Variants in XIRP2 observed in about 807,000 individuals in gnomAD.
XIRP2 encodes the protein xin actin binding repeat containing 2.
A neutral mutation model predicts 277.0 loss-of-function variants in XIRP2; 236 were observed. The ratio of observed to expected loss-of-function variants is 0.85; its 90% CI spans 0.77 to 0.95. XIRP2 has a LOEUF of 0.95. Ranked by LOEUF, XIRP2 falls within the 40% of genes least tolerant of loss-of-function variation. The probability of loss-of-function intolerance (pLI) is 0.00; values close to 1 mark genes in which losing one functional copy is unlikely to be tolerated. For synonymous variants in XIRP2, 1,490 were observed against 1,416.5 expected (o/e 1.05, Z -1.17); for missense variants, 4,640 against 4,157.5 (o/e 1.12, Z -3.19).
intron 2 of XIRP2, among the ~76,000 whole-genome samples, chr2:167,119,284 G>C (rs1690984828): frequency 6.6e-6 from 1 of 152,102 alleles, no homozygotes; most frequent in Non-Finnish European, 1.5e-5. Context: ...GTGTTTTGAG[G>C]AGACTCCAGA....
intron 2 of XIRP2, among the ~76,000 whole-genome samples, chr2:167,084,373 G>A (rs1257415553): frequency 4.6e-5 from 7 of 151,906 alleles, no homozygotes; most frequent in East Asian, 3.9e-4. Context: ...TTGCATCAAT[G>A]TTCATCAAGG....
intron 2 of XIRP2, among the ~76,000 whole-genome samples, chr2:167,015,418 TTATCTATCTATC>T (rs143244808): frequency 2.1e-3 from 303 of 147,266 alleles, no homozygotes; most frequent in African/African-American, 6.2e-3. Context: ...TATCTGTCTT[TTATCTATCTATC>T]TATCTATCTA....
chr2:166,910,788 G>T (rs1684679868), intron 2 of XIRP2, among the ~76,000 whole-genome samples: 1 of 152,134 alleles, frequency 6.6e-6, no homozygotes, highest in Admixed American at 6.5e-5. Context: ...CTTTGAATGT[G>T]TCCCAGAGAT....
intron 2 of XIRP2, among the ~76,000 whole-genome samples, chr2:167,055,102 G>A (rs1187583931): frequency 3.9e-5 from 6 of 152,142 alleles, no homozygotes; most frequent in Admixed American, 1.3e-4. Context: ...GGTAGAATCC[G>A]AAACCTATTT....
Position 167,249,052 on chromosome 2 carries a change from C to T in XIRP2, c.7660C>T (p.Gln2554Ter), listed in dbSNP as rs753115434. 1.9e-6 allele frequency: 3 copies of T among 1,611,138 alleles called. No individual in the cohort carries two copies. Among genetic ancestry groups the T allele is most frequent in the South Asian group, 1.1e-5 (1 of 90,388 alleles). Residue 2554 changes from glutamine to a stop codon, truncating the protein, a stop_gained, in exon 9 of 11, where the codon CAA becomes TAA. Transcript: ENST00000409195. LOFTEE classifies it high-confidence loss of function. ...GATTGCTGAAGAAAAATATAGACAA[C>T]AAAAAGAAGAAATTGAAAAACAGAA... ...LMIAEEKYRQ[Q>*]KEEIEKQKQE...
chr2:166,951,362 G>A (rs1686028084), intron 2 of XIRP2, among the ~76,000 whole-genome samples: 1 of 151,850 alleles, frequency 6.6e-6, no homozygotes. Flanking sequence ...GGCAAAGAGG[G>A]AACAAGCATG....
In XIRP2 at chr2:167,034,171, C is replaced by A. The variant is rs1200334190; in HGVS notation, c.409-101738C>A. 2.6e-5 allele frequency among the ~76,000 whole-genome samples: 4 copies of A among 152,128 alleles called. No homozygotes were observed. In the East Asian group the frequency reaches 7.7e-4, roughly 29 times the overall value. ...AAAGTGTAGGGGAATTAATAGTTTT[C>A]TCTTGGCTTGTTTGTTCATTAGCTT... On this transcript the variant is annotated intron_variant, in intron 2 of 10. Coordinates refer to ENST00000409195, the MANE Select transcript of XIRP2 (RefSeq NM_152381.6).
intron 2 of XIRP2, among the ~76,000 whole-genome samples, chr2:167,036,455 G>A (rs1688509454): frequency 6.6e-6 from 1 of 152,082 alleles, no homozygotes; most frequent in South Asian, 2.1e-4. Flanking sequence ...GACTTGCATG[G>A]GCCCTGTAAC....
chr2:167,173,030 GTTC>G (rs1267667001), intron 3 of XIRP2, among the ~76,000 whole-genome samples: 1 of 152,168 alleles, frequency 6.6e-6, no homozygotes, highest in African/African-American at 2.4e-5. Flanking sequence ...CACAATTTAT[GTTC>G]TTCTGACATG....
Position 167,243,662 on chromosome 2 carries a change from T to G in XIRP2, c.2270T>G (p.Val757Gly), listed in dbSNP as rs201216695. The change falls in exon 9 of 11, where the codon GTT becomes GGT. Residue 757 changes from valine (V) to glycine (G), a missense_variant. Transcript: ENST00000409195. ...GGCCAAATGCTGGAAATTAAAACTG[T>G]TCACAGAGAAGACGTTGAAAAGGGA... ...GSGQMLEIKT[V>G]HREDVEKGDV... is the part of the protein sequence containing the mutation. 99 of 1,613,848 alleles carry G rather than the reference T, an allele frequency of 6.1e-5. No homozygotes were observed. Among genetic ancestry groups the G allele is most frequent in the Non-Finnish European group, 7.7e-5 (91 of 1,179,938 alleles).
intron 2 of XIRP2, among the ~76,000 whole-genome samples, chr2:167,029,813 C>T (rs149388633): frequency 0.015 from 2,239 of 152,060 alleles, 26 homozygotes; most frequent in Middle Eastern, 0.031. Flanking sequence ...TGGTAGAATT[C>T]GGCTGTGAAT....
intron 2 of XIRP2, among the ~76,000 whole-genome samples, chr2:166,941,893 C>A (rs6704738): frequency 0.02 from 3,007 of 152,120 alleles, 96 homozygotes; most frequent in African/African-American, 0.068. Flanking sequence ...TAGGAGATAC[C>A]AATTATATGG....
At chr2:166,953,287 G>A (rs151143365) in intron 2 of XIRP2, among the ~76,000 whole-genome samples, 179 of 152,018 alleles carry the variant, frequency 1.2e-3, no homozygotes, top group African/African-American at 4.0e-3. Flanking sequence ...CCCTCGTGTG[G>A]TGGGAGGGAC....
At chr2:166,974,494 C>T (rs563910322) in intron 2 of XIRP2, among the ~76,000 whole-genome samples, 1 of 151,900 alleles carries the variant, frequency 6.6e-6, no homozygotes, top group Non-Finnish European at 1.5e-5. Context: ...TATCTATACA[C>T]ATACACATAT....
chr2:167,047,549 G>A lies in XIRP2; in HGVS notation c.409-88360G>A, dbSNP rs183675049. 8.2e-4 allele frequency among the ~76,000 whole-genome samples: 124 copies of A among 151,910 alleles called. 1 individual carries two copies. The East Asian group carries it at 0.022, about 27-fold the overall frequency. On this transcript the variant is annotated intron_variant, in intron 2 of 10. Coordinates refer to ENST00000409195, the MANE Select transcript of XIRP2 (RefSeq NM_152381.6). Reference sequence around the variant, plus strand: ...ATAAAATTTTCAGATACAATTTTGAGGGCCAATAAAATTATTCAGAAATAT... The same window carrying A: ...ATAAAATTTTCAGATACAATTTTGAAGGCCAATAAAATTATTCAGAAATAT...
chr2:167,136,107 A>G (rs1270935530), intron 3 of XIRP2, 45 bp downstream of exon 3: 2 of 1,493,348 alleles, frequency 1.3e-6, no homozygotes, highest in East Asian at 4.7e-5. Context: ...CATACCTTGT[A>G]CAACATGAGT....
chr2:166,978,555 G>A (rs1473172261), intron 2 of XIRP2, among the ~76,000 whole-genome samples: 1 of 152,006 alleles, frequency 6.6e-6, no homozygotes, highest in East Asian at 1.9e-4. Flanking sequence ...TTCAGCAATG[G>A]GTAGCAGTTT....
At chr2:167,208,417 C>A (rs1324225589) in intron 3 of XIRP2, among the ~76,000 whole-genome samples, 1 of 152,216 alleles carries the variant, frequency 6.6e-6, no homozygotes, top group African/African-American at 2.4e-5. Flanking sequence ...ACGCCATTCT[C>A]CTGCCTCAGC....
chr2:167,141,632 G>A (rs1042780820), intron 3 of XIRP2, among the ~76,000 whole-genome samples: 2 of 152,160 alleles, frequency 1.3e-5, no homozygotes, highest in African/African-American at 4.8e-5. Flanking sequence ...GGAGGCCAAG[G>A]AAGGAGGATT....
Sources: gnomAD v4.1 joint callset for allele counts (sites outside exome capture counted in the v4.1 genomes callset) on GRCh38, gnomAD v4.1.1 for gene constraint, MANE v1.5 for transcripts, NCBI Gene and HGNC (gene_info 2026-07-23, HGNC 2026-07-21) for gene names.